Variants in AHCYL2 observed in about 807,000 individuals in gnomAD.
AHCYL2 encodes the protein S-adenosylhomocysteine hydrolase-like protein 2.
AHCYL2 carries 28 observed loss-of-function variants against 81.4 expected under a neutral mutation model. The ratio of observed to expected loss-of-function variants is 0.34; its 90% CI spans 0.25 to 0.47. AHCYL2 has a LOEUF of 0.47. Among genes scored for constraint, AHCYL2 ranks in the 20% least tolerant of loss-of-function variants. The probability of loss-of-function intolerance (pLI) is 1.00; values close to 1 mark genes in which losing one functional copy is unlikely to be tolerated. For missense variants in AHCYL2, 551 were observed against 785.1 expected (o/e 0.70, Z 3.56); for synonymous variants, 272 against 290.2 (o/e 0.94, Z 0.64).
At chr7:129,320,603 C>T (rs995319619) in intron 1 of AHCYL2, among the ~76,000 whole-genome samples, 4 of 152,166 alleles carry the variant, frequency 2.6e-5, no homozygotes, top group Non-Finnish European at 2.9e-5. Context: ...GGAGCCACCA[C>T]GTCTGGCCTT....
At chr7:129,379,093 C>T (rs974591261) in intron 1 of AHCYL2, among the ~76,000 whole-genome samples, 4 of 151,850 alleles carry the variant, frequency 2.6e-5, no homozygotes, top group Non-Finnish European at 5.9e-5. Context: ...CCAGCCTGGC[C>T]AACATGGTGA....
chr7:129,410,437 CCAAA>C (rs1458446337), intron 11 of AHCYL2: 1 of 1,450,854 alleles, frequency 6.9e-7, no homozygotes, highest in Non-Finnish European at 9.7e-7. Context: ...TCCTCAGCGT[CCAAA>C]CAGATCTTAA....
In AHCYL2 at chr7:129,269,432, C is replaced by T. The variant is rs973608871; in HGVS notation, c.363+43993C>T. Among the ~76,000 whole-genome samples, 23 of 152,090 alleles carry T rather than the reference C, an allele frequency of 1.5e-4. No homozygotes were observed. In the South Asian group the frequency reaches 3.1e-3, roughly 21 times the overall value. ...TCCTGGGTAGCTGGGATTACAGGCA[C>T]GCATTACCATGCCTGGCTAATTTTT... On this transcript the variant is annotated intron_variant, in intron 1 of 16. Coordinates refer to ENST00000325006, the MANE Select transcript of AHCYL2 (RefSeq NM_015328.4).
At chr7:129,372,818 C>A (rs13245810) in intron 1 of AHCYL2, among the ~76,000 whole-genome samples, 91,022 of 151,114 alleles carry the variant, frequency 0.6, 27,779 homozygotes, top group African/African-American at 0.71. Flanking sequence ...ACCATCCCCC[C>A]AAAAAAAAGA....
At chr7:129,282,583 C>T (rs2150741351) in intron 1 of AHCYL2, among the ~76,000 whole-genome samples, 1 of 152,188 alleles carries the variant, frequency 6.6e-6, no homozygotes, top group Admixed American at 6.5e-5. Context: ...TCCCATGTTT[C>T]TACTTAGCTT....
intron 1 of AHCYL2, among the ~76,000 whole-genome samples, chr7:129,327,959 A>G (rs747381431): frequency 3.3e-5 from 5 of 151,852 alleles, no homozygotes; most frequent in Non-Finnish European, 7.4e-5. Flanking sequence ...ACACCCAGCT[A>G]ATTTTTTAAT....
At chr7:129,242,190 G>A (rs1794883230) in intron 1 of AHCYL2, among the ~76,000 whole-genome samples, 1 of 152,068 alleles carries the variant, frequency 6.6e-6, no homozygotes, top group African/African-American at 2.4e-5. Flanking sequence ...TATTTCACAT[G>A]TATGAATATA....
At chr7:129,347,815 G>A (rs1481205138) in intron 1 of AHCYL2, among the ~76,000 whole-genome samples, 1 of 152,100 alleles carries the variant, frequency 6.6e-6, no homozygotes, top group African/African-American at 2.4e-5. Context: ...ACTATTCTAA[G>A]GAATATTTGA....
intron 2 of AHCYL2, among the ~76,000 whole-genome samples, chr7:129,381,211 T>C (rs963050974): frequency 2.0e-5 from 3 of 152,100 alleles, no homozygotes; most frequent in African/African-American, 7.2e-5. Context: ...AATAATAATA[T>C]CAAATTTTAA....
chr7:129,340,297 G>C (rs1457383375), intron 1 of AHCYL2, among the ~76,000 whole-genome samples: 1 of 149,980 alleles, frequency 6.7e-6, no homozygotes, highest in African/African-American at 2.4e-5. Context: ...GCCGGGCGCG[G>C]TGGCTCACGC....
chr7:129,250,185 G>C (rs1404279420), intron 1 of AHCYL2, among the ~76,000 whole-genome samples: 1 of 152,078 alleles, frequency 6.6e-6, no homozygotes, highest in Admixed American at 6.5e-5. Flanking sequence ...TGTAGTCCTA[G>C]TTACCTGGGA....
chr7:129,329,668 T>C (rs1798347942), intron 1 of AHCYL2, among the ~76,000 whole-genome samples: 1 of 152,272 alleles, frequency 6.6e-6, no homozygotes, highest in Admixed American at 6.5e-5. Context: ...CTGAGTAGCC[T>C]TTGGCAAGTT....
At chr7:129,291,206 A>G (rs934175250) in intron 1 of AHCYL2, among the ~76,000 whole-genome samples, 3 of 152,122 alleles carry the variant, frequency 2.0e-5, no homozygotes, top group African/African-American at 7.2e-5. Context: ...AAGTTTATTC[A>G]TTTATTCTAC....
At chr7:129,373,429 A>C (rs977416616) in intron 1 of AHCYL2, among the ~76,000 whole-genome samples, 1 of 151,812 alleles carries the variant, frequency 6.6e-6, no homozygotes, top group African/African-American at 2.4e-5. Flanking sequence ...AAAAAACAAA[A>C]CAAAACAAAA....
At chr7:129,343,892 A>G (rs992927372) in intron 1 of AHCYL2, among the ~76,000 whole-genome samples, 2 of 152,244 alleles carry the variant, frequency 1.3e-5, no homozygotes, top group African/African-American at 4.8e-5. Flanking sequence ...CACAATACAT[A>G]TACAGAAAAA....
intron 1 of AHCYL2, among the ~76,000 whole-genome samples, chr7:129,339,433 A>G (rs142077973): frequency 9.4e-4 from 143 of 152,352 alleles, no homozygotes; most frequent in African/African-American, 3.3e-3. Flanking sequence ...AGTGTTTGTG[A>G]TAGAAGAAGA....
intron 13 of AHCYL2, among the ~76,000 whole-genome samples, chr7:129,423,655 T>C (rs375286125): frequency 6.6e-6 from 1 of 152,232 alleles, no homozygotes; most frequent in East Asian, 1.9e-4. Flanking sequence ...ATAATAATAC[T>C]TTTCTCAATT....
intron 1 of AHCYL2, among the ~76,000 whole-genome samples, chr7:129,313,364 G>C (rs756731976): frequency 2.0e-5 from 3 of 152,216 alleles, no homozygotes; most frequent in African/African-American, 4.8e-5. Context: ...AAGCATGGGA[G>C]ATTGAGGATT....
chr7:129,330,690 C>T lies in AHCYL2; in HGVS notation c.364-48948C>T, dbSNP rs760227506. On this transcript the variant is annotated intron_variant, in intron 1 of 16. Coordinates refer to ENST00000325006, the MANE Select transcript of AHCYL2 (RefSeq NM_015328.4). Reference sequence around the variant, plus strand: ...GTTAGCCAGGATAGTATCCATCTCCCGACCTCGTGATCCACCCGCCTTGGC... The same window carrying T: ...GTTAGCCAGGATAGTATCCATCTCCTGACCTCGTGATCCACCCGCCTTGGC... Among the ~76,000 whole-genome samples the T allele has an allele frequency of 2.0e-5, 3 of 151,280 alleles. No individual in the cohort carries two copies. The East Asian group carries it at 5.9e-4, about 30-fold the overall frequency.
Sources: allele counts gnomAD v4.1 joint callset (sites outside exome capture counted in the v4.1 genomes callset), GRCh38; gene constraint gnomAD v4.1.1; transcripts MANE v1.5; gene names NCBI Gene and HGNC (gene_info 2026-07-23, HGNC 2026-07-21).